The following TRIM36 variants were observed in gnomAD, a reference collection of about 807,000 sequenced individuals.
TRIM36 encodes the protein E3 ubiquitin-protein ligase TRIM36.
A neutral mutation model predicts 72.4 loss-of-function variants in TRIM36; 42 were observed. That is an observed-to-expected ratio of 0.58 (90% CI 0.45 to 0.75). The LOEUF (loss-of-function observed/expected upper bound fraction) is 0.75. Ranked by LOEUF, TRIM36 falls within the 30% of genes least tolerant of loss-of-function variation. The pLI, the probability that TRIM36 is intolerant of heterozygous loss-of-function variation, is 0.00. For synonymous variants in TRIM36, 315 were observed against 282.8 expected (o/e 1.11, Z -1.14); for missense variants, 913 against 857.1 (o/e 1.07, Z -0.81).
chr5:115,155,355 T>C (rs1013125827), intron 2 of TRIM36, among the ~76,000 whole-genome samples: 1 of 151,820 alleles, frequency 6.6e-6, no homozygotes, highest in African/African-American at 2.4e-5. Context: ...GTCTCAAAAA[T>C]AAAAATAAAA....
chr5:115,153,368 G>C (rs928640497), intron 2 of TRIM36, among the ~76,000 whole-genome samples: 1 of 151,926 alleles, frequency 6.6e-6, no homozygotes, highest in African/African-American at 2.4e-5. Flanking sequence ...ACCTAACACA[G>C]GGGCTCCCAA....
chr5:115,137,650 T>C, intron 5 of TRIM36, 34 bp from the exon 6 acceptor site: 1 of 1,527,708 alleles, frequency 6.5e-7, no homozygotes, highest in Non-Finnish European at 8.7e-7. Context: ...TACACTAAGA[T>C]AAAACAAAGA....
chr5:115,150,645 G>A (rs1561435119), intron 2 of TRIM36, among the ~76,000 whole-genome samples: 1 of 152,192 alleles, frequency 6.6e-6, no homozygotes, highest in Non-Finnish European at 1.5e-5. Context: ...AAAGCTGAGA[G>A]GACCCACAGG....
At chr5:115,154,746 G>A (rs893827782) in intron 2 of TRIM36, among the ~76,000 whole-genome samples, 4 of 152,082 alleles carry the variant, frequency 2.6e-5, no homozygotes, top group African/African-American at 9.7e-5. Flanking sequence ...AGCAGAATTC[G>A]ACCAGACATT....
chr5:115,151,077 G>T (rs1481746263), intron 2 of TRIM36, among the ~76,000 whole-genome samples: 2 of 152,322 alleles, frequency 1.3e-5, no homozygotes, highest in South Asian at 2.1e-4. Flanking sequence ...AGACTCCACA[G>T]GTGGGAGAAG....
chr5:115,171,443 G>T (rs1755113307), upstream of TRIM36, among the ~76,000 whole-genome samples: 1 of 152,160 alleles, frequency 6.6e-6, no homozygotes, highest in Non-Finnish European at 1.5e-5. Context: ...ATCAGGAGGA[G>T]ACTAACAAAT....
chr5:115,153,202 A>G (rs1178567922), intron 2 of TRIM36, among the ~76,000 whole-genome samples: 1 of 152,228 alleles, frequency 6.6e-6, no homozygotes, highest in Admixed American at 6.5e-5. Context: ...AAGACATTTC[A>G]TGTGAATGGA....
chr5:115,177,381 G>A (rs945504100), intron 1 of TRIM36: 1 of 306,896 alleles, frequency 3.3e-6, no homozygotes, highest in Non-Finnish European at 5.1e-6. Context: ...TCTCAACTTT[G>A]AGGGATGGTG....
At chr5:115,142,118 G>A (rs375042160) in intron 4 of TRIM36, among the ~76,000 whole-genome samples, 11 of 152,060 alleles carry the variant, frequency 7.2e-5, no homozygotes, top group African/African-American at 2.4e-4. Flanking sequence ...GTCTAAATAA[G>A]AATAAGAACA....
At chr5:115,169,491 G>A in intron 1 of TRIM36, 117 bp downstream of exon 1, 1 of 1,152,120 alleles carries the variant, frequency 8.7e-7, no homozygotes, top group Admixed American at 2.5e-5. Context: ...ATCCCCACAC[G>A]CCTGCCTTTG....
At chr5:115,131,367 C>T (rs1221298939) in intron 8 of TRIM36, among the ~76,000 whole-genome samples, 8 of 152,004 alleles carry the variant, frequency 5.3e-5, no homozygotes, top group Admixed American at 1.3e-4. Flanking sequence ...AAACATGGGA[C>T]ACTGTAAAAA....
intron 9 of TRIM36, among the ~76,000 whole-genome samples, chr5:115,129,798 G>T (rs1253764435): frequency 6.6e-6 from 1 of 151,964 alleles, no homozygotes; most frequent in Admixed American, 6.6e-5. Flanking sequence ...TTTGAAACAT[G>T]TTCCCCATTT....
intron 1 of TRIM36, among the ~76,000 whole-genome samples, chr5:115,179,130 G>A (rs944041921): frequency 6.6e-6 from 1 of 152,296 alleles, no homozygotes; most frequent in Non-Finnish European, 1.5e-5. Context: ...TGCGAGTTCC[G>A]GAGGGCAGTG....
intron 2 of TRIM36, chr5:115,148,939 C>T (rs1753740068): frequency 6.6e-6 from 1 of 152,116 alleles, no homozygotes; most frequent in African/African-American, 2.4e-5. Flanking sequence ...AGATGTCTGA[C>T]ATGATATCAG....
upstream of TRIM36, chr5:115,171,168 C>T: frequency 1.2e-6 from 2 of 1,614,202 alleles, no homozygotes; most frequent in Non-Finnish European, 1.7e-6. Flanking sequence ...GTGGCAAGTT[C>T]CGTCGTCTTC....
chr5:115,180,271 C>T, upstream of TRIM36: 1 of 437,886 alleles, frequency 2.3e-6, no homozygotes. Flanking sequence ...GTGCAGCGGT[C>T]GGGGCTGCGC....
Position 115,169,664 on chromosome 5 carries a change from C to A in TRIM36, c.-30G>T. 1 of 1,519,582 alleles carries A rather than the reference C, an allele frequency of 6.6e-7. No individual in the cohort carries two copies. The highest frequency in any genetic ancestry group is 8.8e-7 in the Non-Finnish European group (1 of 1,138,854). 94.1% of individuals were successfully genotyped at this position (1,519,582 alleles called of 1,614,324 possible). ...GCCTTCTGCCAGGTGTCATCAGCGG[C>A]ACGTTCCACTCACACCGGCTACCGA... On this transcript the variant is annotated 5_prime_UTR_variant, in exon 1 of 10. Transcript: ENST00000513154.
intron 5 of TRIM36, among the ~76,000 whole-genome samples, chr5:115,138,139 G>A (rs777016047): frequency 3.9e-5 from 6 of 152,192 alleles, no homozygotes; most frequent in Admixed American, 1.3e-4. Context: ...TCGCTCTGTC[G>A]CACAGACTGG....
At chr5:115,177,795 A>C in intron 1 of TRIM36, 2 of 1,614,188 alleles carry the variant, frequency 1.2e-6, no homozygotes, top group Non-Finnish European at 1.7e-6. Context: ...CAGAGATTTC[A>C]AAGGGACAGC....
Sources: allele counts gnomAD v4.1 joint callset (sites outside exome capture counted in the v4.1 genomes callset), GRCh38; gene constraint gnomAD v4.1.1; transcripts MANE v1.5; gene names NCBI Gene and HGNC (gene_info 2026-07-23, HGNC 2026-07-21).